The following ALG6 variants were observed in gnomAD, a reference collection of about 807,000 sequenced individuals.
The protein encoded by ALG6 is ALG6 alpha-1,3-glucosyltransferase.
Under a neutral mutation model 66.6 loss-of-function variants are expected in ALG6, and 46 were observed. The observed-to-expected ratio is 0.69, with a 90% CI of 0.55 to 0.88. The LOEUF is 0.88. ALG6 is among the 40% of genes least tolerant of loss of function. The pLI, the probability that ALG6 is intolerant of heterozygous loss-of-function variation, is 0.00. For missense variants in ALG6, 505 were observed against 586.8 expected (o/e 0.86, Z 1.44); for synonymous variants, 185 against 203.7 (o/e 0.91, Z 0.78).
At position 63,436,846 on chromosome 1, in the gene ALG6, G is replaced by A; in HGVS notation, c.1350G>A (p.Met450Ile). 1 of 1,613,642 alleles carries A rather than the reference G, an allele frequency of 6.2e-7. No individual in the cohort carries two copies. The highest frequency in any genetic ancestry group is 8.5e-7 in the Non-Finnish European group (1 of 1,179,712). ...QYLFLISVIT[M>I]VLLTLMTVTL... The stretch of plus-strand genomic sequence containing the variant: ...AGTTTCTTATCTCAGTCATCACTAT[G>A]GTGCTTCTGACGTTGATGACTGTCA... Residue 450 changes from methionine (M) to isoleucine (I), a missense_variant, in exon 15 of 15, where the codon ATG (methionine) becomes ATA (isoleucine). Transcript: ENST00000263440.
chr1:63,382,918 C>T (rs1472624679), intron 2 of ALG6, among the ~76,000 whole-genome samples: 11 of 151,996 alleles, frequency 7.2e-5, no homozygotes, highest in Admixed American at 1.3e-4. Flanking sequence ...CCTCATGATC[C>T]GCCCGTCTCG....
chr1:63,378,767 T>C (rs1292152438), intron 2 of ALG6, among the ~76,000 whole-genome samples: 1 of 152,184 alleles, frequency 6.6e-6, no homozygotes, highest in Non-Finnish European at 1.5e-5. Context: ...TCATAATCTC[T>C]TGTATTTTCC....
intron 6 of ALG6, among the ~76,000 whole-genome samples, 179 bp downstream of exon 6, chr1:63,406,578 G>A (rs1354574932): frequency 6.6e-6 from 1 of 151,902 alleles, no homozygotes; most frequent in Non-Finnish European, 1.5e-5. Flanking sequence ...AATTATTTTA[G>A]TGTACTACTA....
chr1:63,416,270 C>T (rs1298333863), intron 11 of ALG6, among the ~76,000 whole-genome samples: 1 of 151,306 alleles, frequency 6.6e-6, no homozygotes, highest in African/African-American at 2.4e-5. Flanking sequence ...TAAGTTCTAT[C>T]AGGTACAAAT....
At chr1:63,389,733 T>G (rs943001156) in intron 2 of ALG6, among the ~76,000 whole-genome samples, 1 of 152,206 alleles carries the variant, frequency 6.6e-6, no homozygotes, top group Admixed American at 6.5e-5. Context: ...TTTCCAAGTA[T>G]TCAAAGGGAG....
chr1:63,430,148 T>C (rs1183870914), intron 14 of ALG6, among the ~76,000 whole-genome samples: 2 of 152,226 alleles, frequency 1.3e-5, no homozygotes, highest in African/African-American at 4.8e-5. Context: ...CCCAAAGTGC[T>C]GGGATTACAG....
intron 4 of ALG6, among the ~76,000 whole-genome samples, chr1:63,403,915 A>G (rs1570062539): frequency 1.3e-5 from 2 of 152,180 alleles, no homozygotes; most frequent in African/African-American, 4.8e-5. Context: ...AGTGTATTTA[A>G]TATTTGCAAA....
chr1:63,427,151 C>T (rs1644619371), intron 12 of ALG6, among the ~76,000 whole-genome samples: 1 of 151,472 alleles, frequency 6.6e-6, no homozygotes, highest in Non-Finnish European at 1.5e-5. Flanking sequence ...CAGGCACGCA[C>T]CACCGTGTCC....
At chr1:63,422,352 T>G (rs1447974307) in intron 12 of ALG6, among the ~76,000 whole-genome samples, 2 of 99,024 alleles carry the variant, frequency 2.0e-5, no homozygotes, top group Non-Finnish European at 3.5e-5. Flanking sequence ...TAAATATATA[T>G]CTATATAAAT....
At chr1:63,395,537 A>T (rs1648795183) in intron 2 of ALG6, among the ~76,000 whole-genome samples, 1 of 152,128 alleles carries the variant, frequency 6.6e-6, no homozygotes, top group Non-Finnish European at 1.5e-5. Flanking sequence ...TCTAATAAAA[A>T]TACAAAAATT....
chr1:63,422,130 AATATATAAAT>A (rs1157760017), intron 12 of ALG6, among the ~76,000 whole-genome samples: 5 of 67,966 alleles, frequency 7.4e-5, no homozygotes, highest in African/African-American at 2.3e-4. Context: ...TATATAAATA[AATATATAAAT>A]ATATATAAAT....
chr1:63,426,744 A>G (rs891569076), intron 12 of ALG6, among the ~76,000 whole-genome samples: 25 of 151,868 alleles, frequency 1.6e-4, no homozygotes, highest in Middle Eastern at 3.2e-3. Context: ...GTGTCTTGCT[A>G]TATTCTCTAG....
intron 4 of ALG6, among the ~76,000 whole-genome samples, chr1:63,403,094 C>CAAAAAAA (rs1160526296): frequency 1.5e-5 from 1 of 65,322 alleles, no homozygotes; most frequent in African/African-American, 5.7e-5. Context: ...GACTCCATCT[C>CAAAAAAA]AAAAAAAAAA....
chr1:63,428,785 CT>C lies in ALG6; in HGVS notation c.1113del (p.Val372CysfsTer11), dbSNP rs748022092. ...EIPFMSTWFLLVSTFSMLPLL... is the reference protein window; with the variant it reads ...EIPFMSTWFLXVSTFSMLPLL... ...TCCTTTTATGTCTACTTGGTTTTTACTTGTGTCAACATTTAGGTAAGTCATA... is the reference window on the plus strand; with the variant it reads ...TCCTTTTATGTCTACTTGGTTTTTACTGTGTCAACATTTAGGTAAGTCATA... On this transcript the variant is annotated frameshift_variant, in exon 13 of 15. Coordinates refer to ENST00000263440, the MANE Select transcript of ALG6 (RefSeq NM_013339.4). LOFTEE classifies it high-confidence loss of function. 1.9e-6 allele frequency: 3 copies of C among 1,609,624 alleles called. No homozygotes were observed. The highest frequency in any genetic ancestry group is 1.7e-6 in the Non-Finnish European group (2 of 1,177,046).
At chr1:63,402,460 ATTTTTTTTT>A (rs760751565) in intron 4 of ALG6, 117 bp downstream of exon 4, 34 of 262,792 alleles carry the variant, frequency 1.3e-4, no homozygotes, top group African/African-American at 1.2e-3. Flanking sequence ...CTGCTATTGT[ATTTTTTTTT>A]TTTTTTTTTT....
intron 2 of ALG6, among the ~76,000 whole-genome samples, chr1:63,395,503 C>G (rs369124113): frequency 7.0e-4 from 106 of 152,162 alleles, no homozygotes; most frequent in African/African-American, 2.5e-3. Context: ...TGAGACCAGC[C>G]TGGCCAACAT....
At chr1:63,415,786 C>A in intron 10 of ALG6, 87 bp from the exon 11 acceptor site, 1 of 747,036 alleles carries the variant, frequency 1.3e-6, no homozygotes, top group Non-Finnish European at 2.2e-6. Flanking sequence ...ATAATATGAT[C>A]CTTATATTTA....
chr1:63,422,053 AAATATCTATT>A (rs1391987295), intron 12 of ALG6, among the ~76,000 whole-genome samples: 119 of 140,286 alleles, frequency 8.5e-4, no homozygotes, highest in Non-Finnish European at 1.6e-3. Flanking sequence ...ATTTATATAT[AAATATCTATT>A]TATATAAATA....
intron 2 of ALG6, among the ~76,000 whole-genome samples, chr1:63,389,631 C>CCTGTTT (rs1648609467): frequency 6.6e-6 from 1 of 152,116 alleles, no homozygotes; most frequent in Non-Finnish European, 1.5e-5. Context: ...GGTCTTAATG[C>CCTGTTT]TTGTGGATAT....
Sources: allele counts gnomAD v4.1 joint callset (sites outside exome capture counted in the v4.1 genomes callset), GRCh38; gene constraint gnomAD v4.1.1; transcripts MANE v1.5; gene names NCBI Gene and HGNC (gene_info 2026-07-23, HGNC 2026-07-21).